The following NELL2 variants were observed in gnomAD, a reference collection of about 807,000 sequenced individuals.
The protein encoded by NELL2 is neural EGFL like 2.
In NELL2, 41 loss-of-function variants were observed where a neutral mutation model predicts 109.6. That is an observed-to-expected ratio of 0.37 (90% CI 0.29 to 0.49). The LOEUF is 0.49. Ranked by LOEUF, NELL2 falls within the 20% of genes least tolerant of loss-of-function variation. The pLI is 0.98. For synonymous variants in NELL2, 355 were observed against 344.7 expected, an observed-to-expected ratio of 1.03 and a Z score of -0.33; for missense variants, 900 against 1,008.3, an observed-to-expected ratio of 0.89 and a Z score of 1.45.
chr12:44,882,387 C>T (rs997365258), intron 1 of NELL2, among the ~76,000 whole-genome samples: 19 of 150,134 alleles, frequency 1.3e-4, no homozygotes, highest in African/African-American at 2.0e-4. Flanking sequence ...TACATACATA[C>T]GTGTATACAT....
Position 44,599,418 on chromosome 12 carries a change from A to G in NELL2, c.1663+7751T>C, listed in dbSNP as rs189124415. Among the ~76,000 whole-genome samples, 238 of 152,250 alleles carry G rather than the reference A, an allele frequency of 1.6e-3. 2 individuals carry two copies. The highest frequency in any genetic ancestry group is 4.1e-4 in the Non-Finnish European group (28 of 68,026). On this transcript the variant is annotated intron_variant, in intron 15 of 19. Transcript: ENST00000429094. Reference sequence around the variant, plus strand: ...AAGAACCAAAAGATATGAGAAAGAGAACTCCTAGAAATTAAAAAGTTATTA... The same window carrying G: ...AAGAACCAAAAGATATGAGAAAGAGGACTCCTAGAAATTAAAAAGTTATTA...
chr12:44,788,977 AC>A (rs1395445088), intron 3 of NELL2, among the ~76,000 whole-genome samples: 1 of 151,754 alleles, frequency 6.6e-6, no homozygotes, highest in East Asian at 1.9e-4. Context: ...TGGGAACCTC[AC>A]CCCCAACCCC....
At chr12:44,560,138 A>C (rs1943413297) in intron 15 of NELL2, among the ~76,000 whole-genome samples, 1 of 152,224 alleles carries the variant, frequency 6.6e-6, no homozygotes, top group Admixed American at 6.5e-5. Context: ...ATGAGAACAA[A>C]GACATATCAT....
At chr12:44,678,436 A>G (rs570606695) in intron 12 of NELL2, among the ~76,000 whole-genome samples, 5 of 152,136 alleles carry the variant, frequency 3.3e-5, no homozygotes, top group Admixed American at 3.3e-4. Flanking sequence ...TCGCCATGGC[A>G]TTCACTTCTG....
intron 13 of NELL2, among the ~76,000 whole-genome samples, chr12:44,639,981 C>T (rs1163979949): frequency 1.3e-5 from 2 of 152,180 alleles, no homozygotes; most frequent in Non-Finnish European, 1.5e-5. Flanking sequence ...ACCTTTTATC[C>T]CAACTCAAAG....
At chr12:44,773,401 G>A (rs1171727653) in intron 9 of NELL2, among the ~76,000 whole-genome samples, 2 of 152,084 alleles carry the variant, frequency 1.3e-5, no homozygotes, top group African/African-American at 4.8e-5. Context: ...GCGTGAACCT[G>A]GAAGGCGGAG....
intron 15 of NELL2, among the ~76,000 whole-genome samples, chr12:44,572,033 C>T (rs2136196800): frequency 6.6e-6 from 1 of 152,182 alleles, no homozygotes; most frequent in South Asian, 2.1e-4. Flanking sequence ...AAAAAGGACT[C>T]TTTCTTTCTT....
intron 15 of NELL2, among the ~76,000 whole-genome samples, chr12:44,587,303 A>ATT (rs1443356395): frequency 5.9e-5 from 7 of 118,816 alleles, no homozygotes; most frequent in Non-Finnish European, 1.0e-4. Flanking sequence ...ATATATATAT[A>ATT]TATATTTTTT....
chr12:44,644,631 C>A (rs35671073), intron 13 of NELL2, among the ~76,000 whole-genome samples: 1 of 100,940 alleles, frequency 9.9e-6, no homozygotes, highest in African/African-American at 3.8e-5. Context: ...TATATACATA[C>A]ATATATATAT....
upstream of NELL2, among the ~76,000 whole-genome samples, chr12:44,877,368 G>T (rs573009959): frequency 3.9e-5 from 6 of 152,198 alleles, no homozygotes; most frequent in South Asian, 2.1e-4. Flanking sequence ...AATATTTTTT[G>T]AACATAGCCC....
At chr12:44,552,735 C>A (rs1246669319) in intron 15 of NELL2, among the ~76,000 whole-genome samples, 4 of 152,104 alleles carry the variant, frequency 2.6e-5, no homozygotes, top group African/African-American at 9.7e-5. Flanking sequence ...CTTGTGTTTA[C>A]ATTTTGAGGA....
intron 2 of NELL2, among the ~76,000 whole-genome samples, chr12:44,824,387 A>C (rs1943638473): frequency 6.6e-6 from 1 of 152,202 alleles, no homozygotes; most frequent in South Asian, 2.1e-4. Flanking sequence ...TAGTAGTCTT[A>C]CAGTTAAGTC....
intron 15 of NELL2, among the ~76,000 whole-genome samples, chr12:44,546,263 G>C (rs777783323): frequency 1.3e-5 from 2 of 152,142 alleles, no homozygotes; most frequent in Non-Finnish European, 2.9e-5. Flanking sequence ...ATATCTGAAT[G>C]AGAAGTTGTC....
chr12:44,679,212 G>GA (rs902313465), intron 12 of NELL2, among the ~76,000 whole-genome samples: 56 of 152,226 alleles, frequency 3.7e-4, no homozygotes, highest in African/African-American at 1.3e-3. Context: ...AGAAAGGGTG[G>GA]AAGTAAGGCA....
At chr12:44,564,970 G>C (rs970937108) in intron 15 of NELL2, among the ~76,000 whole-genome samples, 1 of 152,144 alleles carries the variant, frequency 6.6e-6, no homozygotes, top group African/African-American at 2.4e-5. Flanking sequence ...TTCTCACAGT[G>C]TGGACCCCCT....
chr12:44,850,660 G>C (rs1424551871), intron 2 of NELL2, among the ~76,000 whole-genome samples: 1 of 152,124 alleles, frequency 6.6e-6, no homozygotes, highest in Non-Finnish European at 1.5e-5. Flanking sequence ...ATTGTATAAA[G>C]TAAGTTTATG....
chr12:44,623,675 T>C (rs1946137458), intron 13 of NELL2, among the ~76,000 whole-genome samples: 1 of 152,130 alleles, frequency 6.6e-6, no homozygotes, highest in Non-Finnish European at 1.5e-5. Context: ...AATTCATCAT[T>C]CTCTTTCCCT....
chr12:44,580,705 T>C (rs2136210198), intron 15 of NELL2, among the ~76,000 whole-genome samples: 1 of 152,136 alleles, frequency 6.6e-6, no homozygotes, highest in Middle Eastern at 3.4e-3. Flanking sequence ...AGAGAAAGAC[T>C]CTGTCTCAAA....
rs144730385 is a variant in NELL2, at chr12:44,711,369, C to A, written c.1112G>T (p.Ser371Ile). The A allele has an allele frequency of 1.9e-5, 31 of 1,612,342 alleles. No individual in the cohort carries two copies. Among genetic ancestry groups the A allele is most frequent in the Non-Finnish European group, 2.5e-5 (30 of 1,178,836 alleles). Reference sequence around the variant, plus strand: ...ACAATCCAAAGCTGGACAGCCTGAACTCTCAACAAGTTTCATGGTCTGGTC... The same window carrying A: ...ACAATCCAAAGCTGGACAGCCTGAAATCTCAACAAGTTTCATGGTCTGGTC... ...CKDQTMKLVESSGCPALDCPE... is the reference protein window; with the variant it reads ...CKDQTMKLVEISGCPALDCPE... Residue 371 changes from serine (S) to isoleucine (I), a missense_variant, in exon 11 of 20, where the codon AGT becomes ATT. Physicochemically the swap from Ser to Ile is moderately radical, Grantham distance 142. Around this residue, in one of 4 missense-constraint regions of NELL2, gnomAD observed 292 missense variants for 265.3 expected, o/e 1.10. Transcript: ENST00000429094.
Sources: gnomAD v4.1 joint callset for allele counts (sites outside exome capture counted in the v4.1 genomes callset) on GRCh38, gnomAD v4.1.1 for gene constraint, gnomAD v4.1.1 regional missense constraint, MANE v1.5 for transcripts, NCBI Gene and HGNC (gene_info 2026-07-23, HGNC 2026-07-21) for gene names.